RARB: variants seen among roughly 807,000 people sequenced by gnomAD.
RARB encodes retinoic acid receptor beta, also known as HBV-activated protein.
RARB carries 17 observed loss-of-function variants against 51.9 expected under a neutral mutation model. The ratio of observed to expected loss-of-function variants is 0.33; its 90% confidence interval spans 0.22 to 0.49. The LOEUF is 0.49. RARB is among the 20% of genes least tolerant of loss of function. The probability of loss-of-function intolerance (pLI) is 0.99; values close to 1 mark genes in which losing one functional copy is unlikely to be tolerated. For missense variants in RARB, 369 were observed against 550.8 expected, an observed-to-expected ratio of 0.67 and a Z score of 3.30; for synonymous variants, 215 against 195.4, an observed-to-expected ratio of 1.10 and a Z score of -0.84.
At chr3:25,319,979 A>G (rs1313444325) in intron 5 of RARB, among the ~76,000 whole-genome samples, 1 of 152,134 alleles carries the variant, frequency 6.6e-6, no homozygotes, top group Non-Finnish European at 1.5e-5. Context: ...GTCTTTCTGG[A>G]ACAGTGGGGA....
intron 2 of RARB, among the ~76,000 whole-genome samples, chr3:24,916,217 G>A (rs1695103156): frequency 6.6e-6 from 1 of 151,964 alleles, no homozygotes; most frequent in South Asian, 2.1e-4. Context: ...TGATTTTGAG[G>A]GAAATATATA....
chr3:25,069,319 A>G (rs1698724355), intron 3 of RARB, among the ~76,000 whole-genome samples: 1 of 152,216 alleles, frequency 6.6e-6, no homozygotes, highest in African/African-American at 2.4e-5. Flanking sequence ...GAAGTTAAAG[A>G]AAATCTCATT....
chr3:25,043,199 T>G (rs907502218), intron 2 of RARB, among the ~76,000 whole-genome samples: 10 of 152,218 alleles, frequency 6.6e-5, no homozygotes, highest in African/African-American at 2.4e-4. Flanking sequence ...GTTTTGACAC[T>G]CATTCTAACA....
chr3:24,880,803 G>C (rs1011220218), intron 2 of RARB, among the ~76,000 whole-genome samples: 2 of 152,094 alleles, frequency 1.3e-5, no homozygotes. Flanking sequence ...ACTTTATTTT[G>C]GGACATATAG....
At chr3:25,097,007 G>C (rs1043551268) in intron 3 of RARB, among the ~76,000 whole-genome samples, 1 of 152,162 alleles carries the variant, frequency 6.6e-6, no homozygotes, top group East Asian at 1.9e-4. Flanking sequence ...AATAAAAGAG[G>C]TATCTTCACC....
intron 5 of RARB, among the ~76,000 whole-genome samples, chr3:25,191,332 C>T (rs17578259): frequency 0.1 from 15,432 of 152,068 alleles, 998 homozygotes; most frequent in South Asian, 0.25. Flanking sequence ...GGGCCCTTAA[C>T]ACATGAGTTT....
chr3:24,908,663 GTTTTT>G (rs59008287), intron 2 of RARB, among the ~76,000 whole-genome samples: 31 of 93,446 alleles, frequency 3.3e-4, no homozygotes, highest in Middle Eastern at 6.8e-3. Flanking sequence ...AACCACAACT[GTTTTT>G]TTTTTTTTTT....
At chr3:24,866,120 G>A (rs1372040162) in intron 2 of RARB, among the ~76,000 whole-genome samples, 1 of 152,114 alleles carries the variant, frequency 6.6e-6, no homozygotes, top group Non-Finnish European at 1.5e-5. Context: ...CCAGGATGAA[G>A]TCTAACTCCT....
At chr3:24,867,023 C>G (rs1206617287) in intron 2 of RARB, among the ~76,000 whole-genome samples, 1 of 152,014 alleles carries the variant, frequency 6.6e-6, no homozygotes, top group African/African-American at 2.4e-5. Context: ...CATTGGTCAT[C>G]AGATATGCAA....
intron 1 of RARB, among the ~76,000 whole-genome samples, chr3:25,445,995 TCTACGCCAGGGAACAA>T (rs1354583790): frequency 6.6e-6 from 1 of 152,224 alleles, no homozygotes; most frequent in African/African-American, 2.4e-5. Flanking sequence ...TCTCCCTGGC[TCTACGCCAGGGAACAA>T]AGCATGATAA....
At chr3:25,286,688 T>C (rs576800864) in intron 5 of RARB, among the ~76,000 whole-genome samples, 1 of 152,356 alleles carries the variant, frequency 6.6e-6, no homozygotes, top group South Asian at 2.1e-4. Context: ...TGATTTAATC[T>C]TTATTCATTC....
In RARB at chr3:25,249,997, C is replaced by A. The variant is rs1395386595; in HGVS notation, c.178+75422C>A. On this transcript the variant is annotated intron_variant, in intron 5 of 11. Coordinates refer to the RARB transcript ENST00000383772. ...TGGTGGGCTCGGTGGGTGGGAAGAT[C>A]TTCAGGCCCCTGGGCATCAGAAATT... Among the ~76,000 whole-genome samples the A allele has an allele frequency of 2.0e-5, 3 of 151,056 alleles. No individual in the cohort carries two copies. In the South Asian group the frequency reaches 6.4e-4, roughly 32 times the overall value.
chr3:25,005,606 T>C (rs962761583), intron 2 of RARB, among the ~76,000 whole-genome samples: 3 of 152,154 alleles, frequency 2.0e-5, no homozygotes, highest in African/African-American at 7.2e-5. Flanking sequence ...ATATTGTTTA[T>C]GACCTAGCCT....
intron 5 of RARB, among the ~76,000 whole-genome samples, chr3:25,339,530 C>A (rs11920003): frequency 0.32 from 48,461 of 151,584 alleles, 8,293 homozygotes; most frequent in South Asian, 0.48. Flanking sequence ...CTGCTGGAAT[C>A]GCAAATCGTT....
chr3:25,210,529 C>CTT (rs773846113), intron 5 of RARB, among the ~76,000 whole-genome samples: 102 of 27,622 alleles, frequency 3.7e-3, no homozygotes, highest in South Asian at 6.6e-3. Flanking sequence ...TTATCTGATT[C>CTT]TTTTTTTTTT....
chr3:25,346,289 C>G (rs564294906), intron 5 of RARB, among the ~76,000 whole-genome samples: 1 of 152,300 alleles, frequency 6.6e-6, no homozygotes, highest in South Asian at 2.1e-4. Context: ...TTTCTTGAGA[C>G]AGGGAGTAAA....
intron 3 of RARB, among the ~76,000 whole-genome samples, chr3:25,558,401 A>G (rs577310876): frequency 5.3e-5 from 8 of 152,074 alleles, no homozygotes; most frequent in Non-Finnish European, 1.0e-4. Context: ...TGCTGCTTCA[A>G]ATTCTTTTCT....
At chr3:25,304,809 C>T (rs754774874) in intron 5 of RARB, among the ~76,000 whole-genome samples, 4 of 152,236 alleles carry the variant, frequency 2.6e-5, no homozygotes, top group Non-Finnish European at 5.9e-5. Flanking sequence ...ATTCAAAGCT[C>T]TCTAATGGCC....
At chr3:25,441,633 A>G (rs1389002842) in intron 1 of RARB, 1 of 152,400 alleles carries the variant, frequency 6.6e-6, no homozygotes, top group East Asian at 1.9e-4. Flanking sequence ...TGCAAATCCA[A>G]TTCCCCGATA....
Sources: gnomAD v4.1 joint callset for allele counts (sites outside exome capture counted in the v4.1 genomes callset) on GRCh38, gnomAD v4.1.1 for gene constraint, MANE v1.5 for transcripts, NCBI Gene and HGNC (gene_info 2026-07-23, HGNC 2026-07-21) for gene names.